The following SUPT5H variants were observed in gnomAD, a reference collection of about 807,000 sequenced individuals.
SUPT5H encodes SPT5 homolog, DSIF elongation factor subunit.
Under a neutral mutation model 142.5 loss-of-function variants are expected in SUPT5H, and 24 were observed. The ratio of observed to expected loss-of-function variants is 0.17; its 90% CI spans 0.12 to 0.24. The LOEUF (loss-of-function observed/expected upper bound fraction) is 0.24. Ranked by LOEUF, SUPT5H falls within the 10% of genes least tolerant of loss-of-function variation. The pLI is 1.00. For synonymous variants in SUPT5H, 546 were observed against 553.0 expected (o/e 0.99, Z 0.18); for missense variants, 893 against 1,471.8 (o/e 0.61, Z 6.43).
intron 2 of SUPT5H, among the ~76,000 whole-genome samples, chr19:39,451,187 C>CTTTTTTTTT (rs36028459): frequency 9.0e-6 from 1 of 111,708 alleles, no homozygotes; most frequent in Non-Finnish European, 1.7e-5. Context: ...TGAGCATGAC[C>CTTTTTTTTT]TTTTTTTTTT....
At chr19:39,467,579 G>GA (rs1040375592) in intron 13 of SUPT5H, 2 of 152,216 alleles carry the variant, frequency 1.3e-5, no homozygotes, top group African/African-American at 2.4e-5. Context: ...GCCCACTTGA[G>GA]ATGGGGGGGT....
intron 4 of SUPT5H, 149 bp downstream of exon 4, chr19:39,457,889 A>G (rs1484681598): frequency 7.4e-7 from 1 of 1,355,394 alleles, no homozygotes; most frequent in Non-Finnish European, 1.0e-6. Flanking sequence ...CAGAGAGACC[A>G]GCTCCCTGCT....
rs199787370 is a variant in SUPT5H, at chr19:39,473,305, C to T, written c.2361C>T (p.Tyr787=). The change falls in exon 24 of 30, where the codon TAC becomes TAT. Residue 787 remains tyrosine, a synonymous_variant. Coordinates refer to ENST00000432763, the MANE Select transcript of SUPT5H (RefSeq NM_001111020.3). This position sits in a 1 kb window ranked among gnomAD's most constrained non-coding sequence, Gnocchi z 5.8. The part of the protein sequence containing the change: ...MYGSGSRTPM[Y]GSQTPLQDGS... ...GCTCTGGCTCCCGAACACCCATGTA[C>T]GGCTCACAGACACCCCTCCAGGATG... 71 of 1,613,732 alleles carry T rather than the reference C, an allele frequency of 4.4e-5. No individual in the cohort carries two copies. The highest frequency in any genetic ancestry group is 4.2e-4 in the East Asian group (19 of 44,878).
At position 39,458,033 on chromosome 19, in the gene SUPT5H, C is replaced by T. The variant is rs915629297; in HGVS notation, c.308-261C>T. The T allele has an allele frequency of 6.9e-6, 5 of 727,232 alleles. No individual in the cohort carries two copies. The highest frequency in any genetic ancestry group is 5.3e-5 in the African/African-American group (3 of 56,520). The allele number at this position is 727,232 out of a possible 1,614,324, so 45.0% of individuals were successfully genotyped here. On this transcript the variant is annotated intron_variant, in intron 4 of 29. Coordinates refer to ENST00000432763, the MANE Select transcript of SUPT5H (RefSeq NM_001111020.3). This position sits in a 1 kb window ranked among gnomAD's most constrained non-coding sequence, Gnocchi z 4.2. ...TGGGCGAGCTCTGTCCCAAGATACC[C>T]CCCACTTCCTGGGCCAGTGCCCCCC...
chr19:39,447,036 G>A (rs976791767), intron 2 of SUPT5H, among the ~76,000 whole-genome samples: 5 of 151,908 alleles, frequency 3.3e-5, no homozygotes, highest in African/African-American at 9.7e-5. Context: ...TTGGTGGCAC[G>A]CTTCTGTAGT....
Position 39,473,378 on chromosome 19 carries a change from A to G in SUPT5H, c.2387-38A>G, listed in dbSNP as rs1600726257. On this transcript the variant is annotated intron_variant, in intron 24 of 29. Coordinates refer to ENST00000432763, the MANE Select transcript of SUPT5H (RefSeq NM_001111020.3). The surrounding 1 kb of genome is among the most constrained non-coding windows in gnomAD (Gnocchi z 5.8). ...GAAGAGGGGCTAGGGGGACCTAGAGAAGGGACAGGACAGACACACTCATTT... is the reference window on the plus strand; with the variant it reads ...GAAGAGGGGCTAGGGGGACCTAGAGGAGGGACAGGACAGACACACTCATTT... 6.2e-7 allele frequency: 1 copy of G among 1,613,198 alleles called. No individual in the cohort carries two copies. The highest frequency in any genetic ancestry group is 1.3e-5 in the African/African-American group (1 of 74,852).
intron 13 of SUPT5H, chr19:39,467,541 A>G (rs886349182): frequency 6.6e-6 from 1 of 152,270 alleles, no homozygotes; most frequent in Non-Finnish European, 1.5e-5. Context: ...GTCAGGCTTT[A>G]GAAAGTCTCC....
chr19:39,465,070 T>C, intron 11 of SUPT5H, 21 bp downstream of exon 11: 1 of 1,604,066 alleles, frequency 6.2e-7, no homozygotes, highest in Non-Finnish European at 8.5e-7. Context: ...CGGGGTGGCA[T>C]GGGGGTCAGG....
At position 39,445,584 on chromosome 19, in the gene SUPT5H, T is replaced by C. The variant is rs982614623; in HGVS notation, c.-141T>C. On this transcript the variant is annotated 5_prime_UTR_variant, in exon 1 of 30. Coordinates refer to ENST00000432763, the MANE Select transcript of SUPT5H (RefSeq NM_001111020.3). The stretch of plus-strand genomic sequence containing the variant: ...TCGCGAGAGGACCCGTCAGCCCCAG[T>C]CAGGCGTCGTGCGAACAGCAGCTGG... 1.0e-5 allele frequency: 4 copies of C among 386,456 alleles called. No individual in the cohort carries two copies. The highest frequency in any genetic ancestry group is 4.0e-5 in the African/African-American group (2 of 49,638). The allele number at this position is 386,456 out of a possible 1,614,324, so 23.9% of individuals were successfully genotyped here. A position where few individuals can be genotyped will look rare whatever the true frequency, so the allele number is the denominator to read the frequency against.
intron 2 of SUPT5H, among the ~76,000 whole-genome samples, chr19:39,447,133 A>G (rs1394785049): frequency 1.3e-5 from 2 of 152,212 alleles, no homozygotes; most frequent in African/African-American, 4.8e-5. Flanking sequence ...ACTGCACTGC[A>G]GCCTGGGTGA....
chr19:39,471,004 C>A (rs1203641542), intron 18 of SUPT5H, among the ~76,000 whole-genome samples: 2 of 152,164 alleles, frequency 1.3e-5, no homozygotes, highest in Non-Finnish European at 2.9e-5. Flanking sequence ...ATGACAGAAT[C>A]CACCTCAGAG....
At chr19:39,453,558 T>C in intron 3 of SUPT5H, 37 bp downstream of exon 3, 5 of 1,459,984 alleles carry the variant, frequency 3.4e-6, no homozygotes, top group South Asian at 1.4e-5. Context: ...GAGCAGAGGC[T>C]GAGCTTCTAC....
At chr19:39,446,984 G>T (rs757138182) in intron 2 of SUPT5H, among the ~76,000 whole-genome samples, 4 of 152,196 alleles carry the variant, frequency 2.6e-5, no homozygotes, top group Non-Finnish European at 5.9e-5. Context: ...CTGCAGCCTG[G>T]GCGACGAGCA....
chr19:39,463,006 ATTTTTT>A (rs34217986), intron 10 of SUPT5H, among the ~76,000 whole-genome samples: 4 of 103,086 alleles, frequency 3.9e-5, no homozygotes, highest in Admixed American at 1.1e-4. Flanking sequence ...TGCCCAGCTA[ATTTTTT>A]TTTTTTTTTT....
At chr19:39,459,667 G>C in intron 9 of SUPT5H, 78 bp downstream of exon 9, 1 of 1,575,398 alleles carries the variant, frequency 6.3e-7, no homozygotes, top group Admixed American at 1.7e-5. Flanking sequence ...GTGTCTGTCT[G>C]TCCCGGGTCT....
intron 2 of SUPT5H, among the ~76,000 whole-genome samples, chr19:39,448,512 GT>G (rs1206792162): frequency 6.6e-6 from 1 of 151,990 alleles, no homozygotes. Flanking sequence ...GGACATTCTC[GT>G]TTGCACTGTT....
chr19:39,465,923 C>T (rs1426267444), intron 11 of SUPT5H, among the ~76,000 whole-genome samples: 1 of 152,144 alleles, frequency 6.6e-6, no homozygotes, highest in Non-Finnish European at 1.5e-5. Flanking sequence ...GGAATATTTG[C>T]ATTATACTTA....
chr19:39,458,671 G>C lies in SUPT5H; in HGVS notation c.320-147G>C. ...CAGGATGCTGAGTAGGACAGAGTAG[G>C]GGATGAGGGGTTGGGATTTCCTCTG... On this transcript the variant is annotated intron_variant, in intron 5 of 29. Transcript: ENST00000432763. This position sits in a 1 kb window ranked among gnomAD's most constrained non-coding sequence, Gnocchi z 4.2. 1 of 781,732 alleles carries C rather than the reference G, an allele frequency of 1.3e-6. No homozygotes were observed. The highest frequency in any genetic ancestry group is 2.0e-6 in the Non-Finnish European group (1 of 490,206). 48.4% of individuals were successfully genotyped at this position (781,732 alleles called of 1,614,324 possible).
At position 39,458,552 on chromosome 19, in the gene SUPT5H, G is replaced by A; in HGVS notation, c.319+247G>A. ...GTGGGTGGTAGCGATGTGTGGGGTG[G>A]GGTGCAGTCCAGGGTGTGCCTGGAC... On this transcript the variant is annotated intron_variant, in intron 5 of 29. Transcript: ENST00000432763. This position sits in a 1 kb window ranked among gnomAD's most constrained non-coding sequence, Gnocchi z 4.2. 1 of 791,874 alleles carries A rather than the reference G, an allele frequency of 1.3e-6. No homozygotes were observed. The highest frequency in any genetic ancestry group is 2.0e-6 in the Non-Finnish European group (1 of 499,900). The allele number at this position is 791,874 out of a possible 1,614,324, so 49.1% of individuals were successfully genotyped here.
Sources: gnomAD v4.1 joint callset for allele counts (sites outside exome capture counted in the v4.1 genomes callset) on GRCh38, gnomAD v4.1.1 for gene constraint, Gnocchi (gnomAD v3.1) non-coding constraint, MANE v1.5 for transcripts, NCBI Gene and HGNC (gene_info 2026-07-23, HGNC 2026-07-21) for gene names.